Variants in ADGRV1 observed in about 807,000 individuals in gnomAD.
ADGRV1 encodes the protein G-protein coupled receptor 98.
In ADGRV1, 359 loss-of-function variants were observed where a neutral mutation model predicts 596.2. The ratio of observed to expected loss-of-function variants is 0.60; its 90% CI spans 0.55 to 0.66. The LOEUF (loss-of-function observed/expected upper bound fraction) is 0.66. ADGRV1 is among the 30% of genes least tolerant of loss of function. ADGRV1 has a pLI of 0.00. For missense variants in ADGRV1, 7,274 were observed against 7,575.6 expected (o/e 0.96, Z 1.48); for synonymous variants, 2,681 against 2,679.2 (o/e 1.00, Z -0.02).
intron 85 of ADGRV1, among the ~76,000 whole-genome samples, chr5:91,047,925 A>G (rs1014692823): frequency 2.6e-5 from 4 of 152,224 alleles, no homozygotes; most frequent in Admixed American, 6.5e-5. Flanking sequence ...TCTTGACGCA[A>G]TTATTTAAAA....
chr5:90,719,018 C>T (rs535526553), intron 43 of ADGRV1, among the ~76,000 whole-genome samples: 7 of 152,158 alleles, frequency 4.6e-5, no homozygotes, highest in African/African-American at 1.4e-4. Flanking sequence ...TATATACATA[C>T]ATGTAACTAC....
chr5:90,926,740 G>A (rs1364731241), intron 83 of ADGRV1, among the ~76,000 whole-genome samples: 3 of 147,914 alleles, frequency 2.0e-5, no homozygotes, highest in Non-Finnish European at 4.5e-5. Context: ...TGTCAATTTT[G>A]GATCTTTCCT....
At position 90,720,137 on chromosome 5, in the gene ADGRV1, A is replaced by C. The variant is rs755813023; in HGVS notation, c.9537A>C (p.Arg3179Ser). Residue 3179 changes from arginine (R) to serine (S), a missense_variant, in exon 44 of 90, where the codon AGA (arginine) becomes AGC (serine). By Grantham distance (110) the Arg-to-Ser change is moderately radical. Around this residue, in one of 5 missense-constraint regions of ADGRV1, gnomAD observed 3,643 missense variants for 3,809.2 expected, o/e 0.96. Coordinates refer to ENST00000405460, the MANE Select transcript of ADGRV1 (RefSeq NM_032119.4). ...TGTTTAATCCAACTGGAGGTGCTAG[A>C]CTAGGGGTGCATGTTCAAACCCTGA... ...CTLFNPTGGARLGVHVQTLIT... is the reference protein window; with the variant it reads ...CTLFNPTGGASLGVHVQTLIT... 1 of 1,613,510 alleles carries C rather than the reference A, an allele frequency of 6.2e-7. No individual in the cohort carries two copies. Among genetic ancestry groups the C allele is most frequent in the African/African-American group, 1.3e-5 (1 of 74,948 alleles).
intron 84 of ADGRV1, among the ~76,000 whole-genome samples, chr5:90,971,993 AG>A: frequency 6.6e-6 from 1 of 152,338 alleles, no homozygotes; most frequent in South Asian, 2.1e-4. Context: ...CTAAAAATAA[AG>A]GGATGGAGGA....
chr5:90,833,742 T>C (rs1161901903), intron 77 of ADGRV1, among the ~76,000 whole-genome samples: 1 of 152,206 alleles, frequency 6.6e-6, no homozygotes, highest in East Asian at 1.9e-4. Context: ...TGTATGTTGA[T>C]TTTAAATACT....
chr5:91,090,990 A>G (rs974801165), intron 86 of ADGRV1, among the ~76,000 whole-genome samples: 2 of 152,132 alleles, frequency 1.3e-5, no homozygotes, highest in Non-Finnish European at 2.9e-5. Context: ...TGTAGTTCAC[A>G]TGTAAAATGC....
chr5:90,831,145 A>G (rs77207833), intron 77 of ADGRV1, among the ~76,000 whole-genome samples: 7,083 of 152,028 alleles, frequency 0.047, 580 homozygotes, highest in African/African-American at 0.16. Context: ...AGCCTGTGAA[A>G]TCATCCTGCA....
chr5:90,798,234 A>G (rs536395262), intron 70 of ADGRV1, among the ~76,000 whole-genome samples: 1 of 152,238 alleles, frequency 6.6e-6, no homozygotes, highest in East Asian at 1.9e-4. Context: ...AAAAAATGAT[A>G]TAGGGGATAT....
intron 84 of ADGRV1, among the ~76,000 whole-genome samples, chr5:90,969,654 A>G (rs1209490523): frequency 1.3e-5 from 2 of 152,208 alleles, no homozygotes; most frequent in African/African-American, 2.4e-5. Context: ...TTGGCCATAG[A>G]TATTGAATTA....
intron 85 of ADGRV1, among the ~76,000 whole-genome samples, chr5:91,068,965 T>C (rs531313782): frequency 6.6e-6 from 1 of 151,992 alleles, no homozygotes; most frequent in East Asian, 1.9e-4. Context: ...TAGAATAAGT[T>C]AGAAAACCGA....
intron 87 of ADGRV1, among the ~76,000 whole-genome samples, chr5:91,114,715 A>G (rs1792698116): frequency 6.6e-6 from 1 of 152,020 alleles, no homozygotes; most frequent in African/African-American, 2.4e-5. Context: ...TCTGAACTCC[A>G]TTTTTTCATT....
chr5:90,807,662 G>A lies in ADGRV1; in HGVS notation c.14897G>A (p.Ser4966Asn). 6.2e-7 allele frequency: 1 copy of A among 1,612,702 alleles called. No homozygotes were observed. Among genetic ancestry groups the A allele is most frequent in the South Asian group, 1.1e-5 (1 of 90,898 alleles). ...GGAGTTTTCCTGTGGACGTTTCCTA[G>A]CCCTGGTTGGCCAGAGGCCTTTGTT... ...RKGVFLWTFP[S>N]PGWPEAFVLH... Residue 4966 changes from serine (S) to asparagine (N), a missense_variant, in exon 73 of 90, where the codon AGC becomes AAC. Ser to Asn is a conservative substitution (Grantham distance 46). Coordinates refer to ENST00000405460, the MANE Select transcript of ADGRV1 (RefSeq NM_032119.4).
intron 85 of ADGRV1, among the ~76,000 whole-genome samples, chr5:90,993,716 C>G (rs1362582716): frequency 6.6e-6 from 1 of 151,898 alleles, no homozygotes; most frequent in Non-Finnish European, 1.5e-5. Context: ...GTTTATATAT[C>G]TAGGTGTGGG....
Position 90,745,625 on chromosome 5 carries a change from G to C in ADGRV1, c.10804G>C (p.Glu3602Gln). Reference protein sequence around the residue: ...GELIFEPGEREATIAVNILDD... With the variant: ...GELIFEPGERQATIAVNILDD... ...ACTGATATTTGAACCTGGTGAGAGA[G>C]AAGCTACAATAGCAGTAAATATCCT... is the stretch of plus-strand genomic sequence containing the variant. Residue 3602 changes from glutamate (E) to glutamine (Q), a missense_variant, in exon 52 of 90, where the codon GAA becomes CAA. Around this residue, in one of 5 missense-constraint regions of ADGRV1, gnomAD observed 3,643 missense variants for 3,809.2 expected, o/e 0.96. Transcript: ENST00000405460. The C allele has an allele frequency of 6.2e-7, 1 of 1,612,528 alleles. No homozygotes were observed. The highest frequency in any genetic ancestry group is 8.5e-7 in the Non-Finnish European group (1 of 1,179,226).
chr5:90,933,303 A>C (rs1338280579), intron 83 of ADGRV1, among the ~76,000 whole-genome samples: 1 of 152,228 alleles, frequency 6.6e-6, no homozygotes, highest in East Asian at 1.9e-4. Context: ...TAAAAGGATT[A>C]AGAGTGTTAG....
intron 89 of ADGRV1, among the ~76,000 whole-genome samples, chr5:91,157,374 G>C (rs4916847): frequency 0.9 from 137,639 of 152,264 alleles, 62,325 homozygotes; most frequent in Non-Finnish European, 0.93. Flanking sequence ...ATTATTGTTT[G>C]AAACTAACCC....
At chr5:90,615,087 AT>A (rs974898072) in intron 2 of ADGRV1, 68 bp downstream of exon 2, 1,046 of 959,688 alleles carry the variant, frequency 1.1e-3, no homozygotes, top group South Asian at 1.6e-3. Flanking sequence ...AATGGCAAGG[AT>A]TTTTTTTTTC....
At chr5:90,782,745 G>C (rs1758986619) in intron 65 of ADGRV1, among the ~76,000 whole-genome samples, 1 of 152,024 alleles carries the variant, frequency 6.6e-6, no homozygotes. Context: ...AATTGAATGT[G>C]TGGAAGCAAT....
rs192496611 is a variant in ADGRV1 at position 90,886,207 on chromosome 5, C to G, written c.17856+22350C>G. The stretch of plus-strand genomic sequence containing the variant: ...CTGATCATATTCTCACTAGTATTAC[C>G]TAATAGTCGGGAACCTTTATTTTCC... On this transcript the variant is annotated intron_variant, in intron 83 of 89. Coordinates refer to ENST00000405460, the MANE Select transcript of ADGRV1 (RefSeq NM_032119.4). Among the ~76,000 whole-genome samples the G allele has an allele frequency of 1.9e-3, 296 of 152,174 alleles. 1 individual carries two copies. Among genetic ancestry groups the G allele is most frequent in the African/African-American group, 6.6e-3 (273 of 41,514 alleles).
Sources: allele counts gnomAD v4.1 joint callset (sites outside exome capture counted in the v4.1 genomes callset), GRCh38; gene constraint gnomAD v4.1.1; regional missense constraint gnomAD v4.1.1; transcripts MANE v1.5; gene names NCBI Gene and HGNC (gene_info 2026-07-23, HGNC 2026-07-21).